Variants in EFNB1 observed in about 807,000 individuals in gnomAD.
EFNB1 encodes the protein ephrin-B1.
Under a neutral mutation model 18.1 loss-of-function variants are expected in EFNB1, and 1 was observed. The observed-to-expected ratio is 0.06, with a 90% confidence interval of 0.02 to 0.26. The LOEUF (loss-of-function observed/expected upper bound fraction) is 0.26. Among genes scored for constraint, EFNB1 ranks in the 10% least tolerant of loss-of-function variants. The pLI, the probability that EFNB1 is intolerant of heterozygous loss-of-function variation, is 1.00. For missense variants in EFNB1, 221 were observed against 301.8 expected, an observed-to-expected ratio of 0.73 and a Z score of 1.98; for synonymous variants, 131 against 127.5, an observed-to-expected ratio of 1.03 and a Z score of -0.19.
chrX:68,839,021 C>G (rs2080469714), intron 2 of EFNB1, 127 bp downstream of exon 2: 1 of 911,843 alleles, frequency 1.1e-6, no homozygotes, highest in Non-Finnish European at 1.5e-6. Flanking sequence ...GGATCTGATC[C>G]CCTTTGAAGA....
At chrX:68,838,248 G>A (rs1352495982) in intron 1 of EFNB1, among the ~76,000 whole-genome samples, 1 of 109,820 alleles carries the variant, frequency 9.1e-6, no homozygotes, top group Non-Finnish European at 1.9e-5. Flanking sequence ...TTTGTTGGGG[G>A]TGGGGGTATA....
In EFNB1 at chrX:68,841,522, G is replaced by A. The variant is rs2080479285; in HGVS notation, c.*868G>A. ...CAGATGACCTCATGGGGGGTGGAGG[G>A]AGGTGAGGTGCCCAGGTGGCTATTT... is the stretch of plus-strand genomic sequence containing the variant. On this transcript the variant is annotated 3_prime_UTR_variant, in exon 5 of 5. Transcript: ENST00000204961. 3 of 112,908 alleles carry A rather than the reference G, an allele frequency of 2.7e-5. No homozygotes were observed. Among genetic ancestry groups the A allele is most frequent in the African/African-American group, 9.7e-5 (3 of 30,978 alleles). 9.3% of individuals were successfully genotyped at this position (112,908 alleles called of 1,213,427 possible). A position where few individuals can be genotyped will look rare whatever the true frequency, so the allele number is the denominator to read the frequency against.
rs769575443 is a variant in EFNB1 at position 68,832,459 on chromosome X, C to T, written c.128+2555C>T. 6.3e-5 allele frequency among the ~76,000 whole-genome samples: 7 copies of T among 111,279 alleles called. No homozygotes were observed. The East Asian group carries it at 8.5e-4, about 13-fold the overall frequency. On this transcript the variant is annotated intron_variant, in intron 1 of 4. Transcript: ENST00000204961. ...CCTCAGCCCTGTCAGAAGCTGGCAA[C>T]CCCCCTCCCAAAAAAGAAAATCTCC...
chrX:68,832,586 C>G (rs571211272), intron 1 of EFNB1, among the ~76,000 whole-genome samples: 1 of 111,614 alleles, frequency 9.0e-6, no homozygotes. Flanking sequence ...TTCCAAGGTG[C>G]GTGCGGCCCG....
chrX:68,832,930 A>G (rs1887813478), intron 1 of EFNB1, among the ~76,000 whole-genome samples: 1 of 110,035 alleles, frequency 9.1e-6, no homozygotes. Flanking sequence ...GGCAGGCCTC[A>G]CACTTGAGTC....
At position 68,840,825 on chromosome X, in the gene EFNB1, G is replaced by T. The variant is rs1208511402; in HGVS notation, c.*171G>T. On this transcript the variant is annotated 3_prime_UTR_variant, in exon 5 of 5. Transcript: ENST00000204961. ...CCTGCCCCCTGGGCTTCGGAGGGGGGTGCTTGTGCCCCTAACCCCCATGCT... is the reference window on the plus strand; with the variant it reads ...CCTGCCCCCTGGGCTTCGGAGGGGGTTGCTTGTGCCCCTAACCCCCATGCT... The T allele has an allele frequency of 7.1e-6, 4 of 564,777 alleles. No homozygotes were observed. Among genetic ancestry groups the T allele is most frequent in the Non-Finnish European group, 1.1e-5 (4 of 352,863 alleles). 46.5% of individuals were successfully genotyped at this position (564,777 alleles called of 1,213,427 possible).
intron 1 of EFNB1, among the ~76,000 whole-genome samples, chrX:68,835,822 A>G (rs1316137072): frequency 9.0e-6 from 1 of 111,715 alleles, no homozygotes; most frequent in African/African-American, 3.3e-5. Context: ...TCATGTAGAC[A>G]TCTGTTTCCT....
Position 68,838,777 on chromosome X carries a change from G to A in EFNB1, c.289G>A (p.Val97Met). The change falls in exon 2 of 5, where the codon GTG becomes ATG. Residue 97 changes from valine to methionine, a missense_variant. Physicochemically the swap from Val to Met is conservative, Grantham distance 21 (BLOSUM62 1). Transcript: ENST00000204961. ...CTGTAGCACAGTTCTCGACCCCAAC[G>A]TGTTGGTCACCTGCAATAGGCCAGA... ...AACSTVLDPN[V>M]LVTCNRPEQE... is the part of the protein sequence containing the mutation. 1 of 1,210,209 alleles carries A rather than the reference G, an allele frequency of 8.3e-7. No individual in the cohort carries two copies. The highest frequency in any genetic ancestry group is 1.1e-6 in the Non-Finnish European group (1 of 894,726).
chrX:68,839,886 G>C, intron 3 of EFNB1, 74 bp from the exon 4 acceptor site: 2 of 1,204,323 alleles, frequency 1.7e-6, no homozygotes, highest in South Asian at 3.6e-5. Flanking sequence ...GCCATTCTTG[G>C]CCCACCCTTG....
In EFNB1 at chrX:68,840,000, G is replaced by A. The variant is rs143162125; in HGVS notation, c.540G>A (p.Arg180=). ...AVTPEQLTTS[R]PSKEADNTVK... is the part of the protein sequence containing the mutation. ...CGCCTGAGCAGCTGACTACCAGCAG[G>A]CCCAGCAAGGAGGCAGACAACACTG... The change falls in exon 4 of 5, where the codon AGG becomes AGA. Residue 180 remains arginine, a synonymous_variant. Coordinates refer to ENST00000204961, the MANE Select transcript of EFNB1 (RefSeq NM_004429.5). The A allele has an allele frequency of 1.7e-6, 2 of 1,211,837 alleles. No individual in the cohort carries two copies. The highest frequency in any genetic ancestry group is 3.5e-5 in the South Asian group (2 of 56,915).
At position 68,829,479 on chromosome X, in the gene EFNB1, A is replaced by G; in HGVS notation, c.-298A>G. The G allele has an allele frequency of 2.9e-6, 1 of 344,097 alleles. No homozygotes were observed. The highest frequency in any genetic ancestry group is 4.9e-5 in the Admixed American group (1 of 20,603). 28.4% of individuals were successfully genotyped at this position (344,097 alleles called of 1,213,427 possible). On this transcript the variant is annotated 5_prime_UTR_variant, in exon 1 of 5. Coordinates refer to ENST00000204961, the MANE Select transcript of EFNB1 (RefSeq NM_004429.5). The stretch of plus-strand genomic sequence containing the variant: ...GGGAAGTCGAGCGGAATCGGGCGGG[A>G]TCACCCGGGGGCGCAGAGCCCCCGT...
Position 68,840,312 on chromosome X carries a change from C to T in EFNB1, c.699C>T (p.Phe233=). Residue 233 remains phenylalanine (F), a synonymous_variant, in exon 5 of 5, where the codon TTC becomes TTT. Coordinates refer to ENST00000204961, the MANE Select transcript of EFNB1 (RefSeq NM_004429.5). ...GCAGCAGCGGGGACCCTGATGGCTT[C>T]TTCAACTCCAAGGTGGCATTGTTCG... is the stretch of plus-strand genomic sequence containing the variant. ...SGGSSGDPDG[F]FNSKVALFAA... is the part of the protein sequence containing the mutation. 8.3e-7 allele frequency: 1 copy of T among 1,212,032 alleles called. No individual in the cohort carries two copies. Among genetic ancestry groups the T allele is most frequent in the Non-Finnish European group, 1.1e-6 (1 of 895,578 alleles).
chrX:68,829,588 G>T lies in EFNB1; in HGVS notation c.-189G>T. On this transcript the variant is annotated 5_prime_UTR_variant, in exon 1 of 5. Coordinates refer to ENST00000204961, the MANE Select transcript of EFNB1 (RefSeq NM_004429.5). ...TGCCCGGGTTGGGGGCGGCTGCCCA[G>T]TGAGTCCTCCTGGCCGGCCGGGCGG... The T allele has an allele frequency of 1.4e-6, 1 of 730,373 alleles. No individual in the cohort carries two copies. The highest frequency in any genetic ancestry group is 3.1e-5 in the Admixed American group (1 of 32,785). 60.2% of individuals were successfully genotyped at this position (730,373 alleles called of 1,213,427 possible).
In EFNB1 at chrX:68,829,717, G is replaced by C; in HGVS notation, c.-60G>C. On this transcript the variant is annotated 5_prime_UTR_variant, in exon 1 of 5. Transcript: ENST00000204961. ...CGAGCGCAGCGCGGCAGAGGAAGGC[G>C]AGGCGAGCTTTGGTGAGGAGGCGCC... The C allele has an allele frequency of 6.0e-6, 7 of 1,166,404 alleles. No homozygotes were observed. The Admixed American group carries it at 1.8e-4, about 30-fold the overall frequency.
At position 68,829,489 on chromosome X, in the gene EFNB1, G is replaced by A. The variant is rs1054501922; in HGVS notation, c.-288G>A. ...GCGGAATCGGGCGGGATCACCCGGG[G>A]GCGCAGAGCCCCCGTCGCGCCTCGT... On this transcript the variant is annotated 5_prime_UTR_variant, in exon 1 of 5. Coordinates refer to ENST00000204961, the MANE Select transcript of EFNB1 (RefSeq NM_004429.5). 3.3e-5 allele frequency: 12 copies of A among 361,591 alleles called. No homozygotes were observed. Among genetic ancestry groups the A allele is most frequent in the African/African-American group, 3.2e-4 (12 of 37,334 alleles). 29.8% of individuals were successfully genotyped at this position (361,591 alleles called of 1,213,427 possible).
intron 1 of EFNB1, among the ~76,000 whole-genome samples, chrX:68,832,241 G>T (rs751618388): frequency 5.0e-4 from 55 of 110,493 alleles, no homozygotes; most frequent in African/African-American, 1.5e-3. Flanking sequence ...CATACCCTCC[G>T]CGAGCAGCGC....
chrX:68,839,834 G>A, intron 3 of EFNB1, 78 bp downstream of exon 3: 1 of 1,174,324 alleles, frequency 8.5e-7, no homozygotes, highest in Non-Finnish European at 1.2e-6. Context: ...GGGTGCATGT[G>A]TATTAGGAGT....
Position 68,840,317 on chromosome X carries a change from A to G in EFNB1, c.704A>G (p.Asn235Ser). 2 of 1,210,842 alleles carry G rather than the reference A, an allele frequency of 1.7e-6. No individual in the cohort carries two copies. The highest frequency in any genetic ancestry group is 1.8e-5 in the South Asian group (1 of 56,891). The change falls in exon 5 of 5, where the codon AAC becomes AGC. Residue 235 changes from asparagine to serine, a missense_variant. Coordinates refer to ENST00000204961, the MANE Select transcript of EFNB1 (RefSeq NM_004429.5). ...AGCGGGGACCCTGATGGCTTCTTCAACTCCAAGGTGGCATTGTTCGCGGCT... is the reference window on the plus strand; with the variant it reads ...AGCGGGGACCCTGATGGCTTCTTCAGCTCCAAGGTGGCATTGTTCGCGGCT... ...GSSGDPDGFF[N>S]SKVALFAAVG...
intron 1 of EFNB1, among the ~76,000 whole-genome samples, chrX:68,830,596 G>A (rs773188255): frequency 3.4e-4 from 38 of 112,482 alleles, no homozygotes; most frequent in African/African-American, 1.2e-3. Flanking sequence ...TTGGGTAGTG[G>A]GGGTTCGAAC....
Sources: gnomAD v4.1 joint callset for allele counts (sites outside exome capture counted in the v4.1 genomes callset) on GRCh38, gnomAD v4.1.1 for gene constraint, MANE v1.5 for transcripts, NCBI Gene and HGNC (gene_info 2026-07-23, HGNC 2026-07-21) for gene names.